Variants in CHD8 observed in about 807,000 individuals in gnomAD.
CHD8 encodes ATP-dependent chromatin remodeler CHD8.
A neutral mutation model predicts 279.2 loss-of-function variants in CHD8; 31 were observed. The observed-to-expected ratio is 0.11, with a 90% CI of 0.08 to 0.15. The LOEUF (loss-of-function observed/expected upper bound fraction) is 0.15, where lower values mean the gene tolerates loss of function less well. Ranked by LOEUF, CHD8 falls within the 10% of genes least tolerant of loss-of-function variation. The probability of loss-of-function intolerance (pLI) is 1.00; values close to 1 mark genes in which losing one functional copy is unlikely to be tolerated. For missense variants in CHD8, 2,146 were observed against 3,230.5 expected (o/e 0.66, Z 8.14); for synonymous variants, 1,081 against 1,139.6 (o/e 0.95, Z 1.04).
chr14:21,427,220 A>T, intron 4 of CHD8: 1 of 175,094 alleles, frequency 5.7e-6, no homozygotes, highest in Non-Finnish European at 1.2e-5. Context: ...AATGCTTCTT[A>T]GAAATGAGTG....
intron 1 of CHD8, among the ~76,000 whole-genome samples, chr14:21,455,649 T>G (rs1484276722): frequency 6.6e-6 from 1 of 152,196 alleles, no homozygotes. Context: ...CACCTATTTC[T>G]GAATCCAAAG....
intron 8 of CHD8, 112 bp downstream of exon 8, chr14:21,414,826 C>T (rs1888645856): frequency 1.3e-6 from 1 of 755,632 alleles, no homozygotes; most frequent in African/African-American, 1.8e-5. Flanking sequence ...AAAACAGCAA[C>T]CTGGGCTACA....
At chr14:21,399,568 G>A (rs1887941538) in intron 26 of CHD8, 34 bp downstream of exon 26, 1 of 1,443,862 alleles carries the variant, frequency 6.9e-7, no homozygotes, top group Admixed American at 1.7e-5. Context: ...TAAATCTTCA[G>A]TCGGAAAGGA....
At chr14:21,401,761 T>G (rs1888048356) in intron 20 of CHD8, 196 bp downstream of exon 20, 1 of 596,578 alleles carries the variant, frequency 1.7e-6, no homozygotes. Flanking sequence ...ATTTTTGTAT[T>G]TTTGGTAGAG....
Position 21,402,005 on chromosome 14 carries a change from A to C in CHD8, c.4014T>G (p.Thr1338=), listed in dbSNP as rs1252057610. 1.9e-6 allele frequency: 3 copies of C among 1,613,558 alleles called. No individual in the cohort carries two copies. The highest frequency in any genetic ancestry group is 2.5e-6 in the Non-Finnish European group (3 of 1,179,758). The change falls in exon 20 of 38, where the codon ACT becomes ACG. Residue 1338 remains threonine, a synonymous_variant. Coordinates refer to ENST00000646647, the MANE Select transcript of CHD8 (RefSeq NM_001170629.2). The surrounding 1 kb of genome is among the most constrained non-coding windows in gnomAD (Gnocchi z 4.5). ...EDIDQILLRR[T]TTITIESEGK... Reference sequence around the variant, plus strand: ...CTTCAGATTCAATGGTGATGGTTGTAGTTCGTCTTAACAAGATCTGGTCAA... The same window carrying C: ...CTTCAGATTCAATGGTGATGGTTGTCGTTCGTCTTAACAAGATCTGGTCAA...
intron 4 of CHD8, 192 bp downstream of exon 4, chr14:21,427,677 G>T (rs956980415): frequency 1.3e-6 from 2 of 1,484,166 alleles, no homozygotes; most frequent in Non-Finnish European, 1.8e-6. Context: ...CCAATAGCAA[G>T]GAGTACTCAC....
At position 21,428,258 on chromosome 14, in the gene CHD8, T is replaced by C. The variant is rs1220368473; in HGVS notation, c.1216-4A>G. On this transcript the variant is annotated splice_polypyrimidine_tract_variant and splice_region_variant and intron_variant, in intron 3 of 37. Transcript: ENST00000646647. ...AGGCCCCTTGGGAAGAGCCAGCCTA[T>C]AGAAACAAAGATACTACAATTTCAA... is the stretch of plus-strand genomic sequence containing the variant. 44 of 1,612,156 alleles carry C rather than the reference T, an allele frequency of 2.7e-5. No individual in the cohort carries two copies. The highest frequency in any genetic ancestry group is 3.6e-5 in the Non-Finnish European group (43 of 1,179,050).
intron 28 of CHD8, 184 bp from the exon 29 acceptor site, chr14:21,395,536 T>C (rs1233973498): frequency 1.5e-5 from 9 of 604,392 alleles, no homozygotes; most frequent in Admixed American, 1.2e-4. Context: ...AAGTAGAACC[T>C]GAAAGGTCAG....
chr14:21,428,121 C>T lies in CHD8; in HGVS notation c.1349G>A (p.Arg450His), dbSNP rs774081833. The change falls in exon 4 of 38, where the codon CGC (arginine) becomes CAC (histidine). Residue 450 changes from arginine to histidine, a missense_variant. By Grantham distance (29) the Arg-to-His change is conservative. Around this residue, in one of 26 missense-constraint regions of CHD8, gnomAD observed 170 missense variants for 189.9 expected, o/e 0.90. Transcript: ENST00000646647. ...SGGKTGMEENRRLEHQKKQEK... is the reference protein window; with the variant it reads ...SGGKTGMEENHRLEHQKKQEK... ...TTGCTTCTTCTGGTGTTCCAATCTG[C>T]GGTTTTCCTCCATTCCTGTCTTTCC... 1.9e-6 allele frequency: 3 copies of T among 1,614,016 alleles called. No individual in the cohort carries two copies. The highest frequency in any genetic ancestry group is 1.7e-5 in the Admixed American group (1 of 60,026).
intron 27 of CHD8, chr14:21,397,107 C>T (rs541705077): frequency 1.4e-5 from 3 of 211,170 alleles, no homozygotes; most frequent in Middle Eastern, 3.4e-3. Context: ...GTATGGTTCA[C>T]GCTTTTTTGT....
chr14:21,406,839 G>T lies in CHD8; in HGVS notation c.2907+17C>A. The T allele has an allele frequency of 2.5e-6, 4 of 1,598,770 alleles. No individual in the cohort carries two copies. Among genetic ancestry groups the T allele is most frequent in the Non-Finnish European group, 3.4e-6 (4 of 1,172,856 alleles). On this transcript the variant is annotated intron_variant, in intron 14 of 37. Transcript: ENST00000646647. ...TTATTCCAGGTGTTTCTGCTCACAA[G>T]TCAGTGTGGAACTCACCAGGTCCAT...
At chr14:21,441,644 T>A (rs1423505726) in intron 1 of CHD8, among the ~76,000 whole-genome samples, 3 of 152,038 alleles carry the variant, frequency 2.0e-5, no homozygotes, top group African/African-American at 7.2e-5. Context: ...ATCCCAGCAC[T>A]TTGGGAGGCC....
Position 21,453,048 on chromosome 14 carries a change from C to A in CHD8, c.-216+2984G>T, listed in dbSNP as rs1377067861. Among the ~76,000 whole-genome samples the A allele has an allele frequency of 9.9e-5, 15 of 151,442 alleles. No individual in the cohort carries two copies. In the East Asian group the frequency reaches 2.7e-3, roughly 27 times the overall value. ...GTCAGGCTGGGTGTGGTGGCCCACA[C>A]CTGTAATCCCAGCACTTCGGGAGGC... On this transcript the variant is annotated intron_variant, in intron 1 of 37. Transcript: ENST00000646647.
intron 1 of CHD8, among the ~76,000 whole-genome samples, chr14:21,436,517 C>T (rs1259823030): frequency 1.3e-5 from 2 of 152,200 alleles, no homozygotes; most frequent in Non-Finnish European, 2.9e-5. Context: ...GATGGAAAGA[C>T]ATAGGACCAA....
Position 21,393,494 on chromosome 14 carries a change from C to T in CHD8, c.6301G>A (p.Glu2101Lys). Residue 2101 changes from glutamate (E) to lysine (K), a missense_variant, in exon 32 of 38, where the codon GAG (glutamate) becomes AAG (lysine). Glu to Lys is a moderately conservative substitution (Grantham distance 56). This residue lies in a region of CHD8 where 513 missense variants were observed against 637.6 expected (regional missense o/e 0.80). Coordinates refer to ENST00000646647, the MANE Select transcript of CHD8 (RefSeq NM_001170629.2). ...SSSSTDESED[E>K]KEEKLTDQSR... ...CACTCACTTAGCTTCTCTTCCTTCT[C>T]ATCCTCACTCTCATCAGTGCTGGAG... 6.3e-7 allele frequency: 1 copy of T among 1,575,922 alleles called. No homozygotes were observed. The highest frequency in any genetic ancestry group is 8.6e-7 in the Non-Finnish European group (1 of 1,160,010).
rs1334291104 is a variant in CHD8 at position 21,401,464 on chromosome 14, G to A, written c.4112C>T (p.Pro1371Leu). 6.2e-7 allele frequency: 1 copy of A among 1,601,182 alleles called. No homozygotes were observed. The highest frequency in any genetic ancestry group is 8.5e-7 in the Non-Finnish European group (1 of 1,173,530). ...TTTGGCCCACTTTTGCCAAAAGTTG[G>A]GGTCATCCAAAGAAATATCTGTCCT... ...ENRTDISLDDPNFWQKWAKKA... is the reference protein window; with the variant it reads ...ENRTDISLDDLNFWQKWAKKA... Residue 1371 changes from proline to leucine, a missense_variant, in exon 21 of 38, where the codon CCC becomes CTC. Pro to Leu is a moderately conservative substitution (Grantham distance 98). Coordinates refer to ENST00000646647, the MANE Select transcript of CHD8 (RefSeq NM_001170629.2).
intron 1 of CHD8, among the ~76,000 whole-genome samples, chr14:21,441,635 T>C (rs1376416784): frequency 2.0e-5 from 3 of 151,986 alleles, no homozygotes; most frequent in Non-Finnish European, 2.9e-5. Context: ...ATGCCTGTAA[T>C]CCCAGCACTT....
In CHD8 at chr14:21,414,979, T is replaced by C. The variant is rs1888651904; in HGVS notation, c.1983A>G (p.Gln661=). Reference sequence around the variant, plus strand: ...CAAAGAATTCTTCTGCTTCAGTATATTGTCCAGAAGGGAGCTAAGAAAAAA... The same window carrying C: ...CAAAGAATTCTTCTGCTTCAGTATACTGTCCAGAAGGGAGCTAAGAAAAAA... ...RIVKKELPSG[Q]YTEAEEFFVK... The change falls in exon 8 of 38, where the codon CAA becomes CAG. Residue 661 remains glutamine, a synonymous_variant. Transcript: ENST00000646647. 3 of 1,597,088 alleles carry C rather than the reference T, an allele frequency of 1.9e-6. No homozygotes were observed. The highest frequency in any genetic ancestry group is 1.7e-6 in the Non-Finnish European group (2 of 1,170,146).
chr14:21,401,295 TA>T (rs1888025290), intron 21 of CHD8, 107 bp downstream of exon 21: 4 of 778,038 alleles, frequency 5.1e-6, no homozygotes, highest in Non-Finnish European at 8.1e-6. Flanking sequence ...TTGTATACAA[TA>T]CACCATCATA....
Sources: gnomAD v4.1 joint callset for allele counts (sites outside exome capture counted in the v4.1 genomes callset) on GRCh38, gnomAD v4.1.1 for gene constraint, gnomAD v4.1.1 regional missense constraint, Gnocchi (gnomAD v3.1) non-coding constraint, MANE v1.5 for transcripts, NCBI Gene and HGNC (gene_info 2026-07-23, HGNC 2026-07-21) for gene names.